Variants in CPQ observed in about 807,000 individuals in gnomAD.
The protein encoded by CPQ is Ser-Met dipeptidase.
Under a neutral mutation model 45.7 loss-of-function variants are expected in CPQ, and 37 were observed. The observed-to-expected ratio is 0.81, with a 90% CI of 0.62 to 1.07. The LOEUF is 1.07. Ranked by LOEUF, CPQ falls within the 50% of genes least tolerant of loss-of-function variation. The pLI is 0.00. For missense variants in CPQ, 537 were observed against 572.9 expected, an observed-to-expected ratio of 0.94 and a Z score of 0.64; for synonymous variants, 186 against 205.8, an observed-to-expected ratio of 0.90 and a Z score of 0.82.
chr8:96,893,781 A>G (rs1812406533), intron 4 of CPQ, among the ~76,000 whole-genome samples: 1 of 152,222 alleles, frequency 6.6e-6, no homozygotes, highest in African/African-American at 2.4e-5. Flanking sequence ...AACCTTAAAA[A>G]ATGAAAGCCT....
chr8:96,767,641 T>C, intron 1 of CPQ, among the ~76,000 whole-genome samples: 1 of 129,694 alleles, frequency 7.7e-6, no homozygotes, highest in African/African-American at 2.9e-5. Flanking sequence ...TATGCTTTTT[T>C]TTTTTTTTTT....
chr8:96,897,676 C>T (rs373927616), intron 4 of CPQ, among the ~76,000 whole-genome samples: 1 of 152,268 alleles, frequency 6.6e-6, no homozygotes, highest in African/African-American at 2.4e-5. Context: ...TGGTCCCATC[C>T]TCATGATATC....
intron 7 of CPQ, among the ~76,000 whole-genome samples, chr8:97,071,977 G>A (rs1015766175): frequency 1.3e-5 from 2 of 152,180 alleles, no homozygotes; most frequent in African/African-American, 4.8e-5. Flanking sequence ...ACATTGTGCA[G>A]TAGTGGAAGA....
intron 5 of CPQ, among the ~76,000 whole-genome samples, chr8:97,025,431 C>T (rs1809780869): frequency 6.6e-6 from 1 of 152,156 alleles, no homozygotes; most frequent in Non-Finnish European, 1.5e-5. Flanking sequence ...TCCAGGAGGT[C>T]AAGGCGTCTC....
At chr8:96,682,928 T>C (rs2130730516) in intron 1 of CPQ, among the ~76,000 whole-genome samples, 1 of 152,322 alleles carries the variant, frequency 6.6e-6, no homozygotes, top group South Asian at 2.1e-4. Context: ...AAGACTTTAA[T>C]CTGTTTACAT....
intron 1 of CPQ, among the ~76,000 whole-genome samples, chr8:96,714,937 T>C (rs549155136): frequency 6.6e-6 from 1 of 152,336 alleles, no homozygotes; most frequent in East Asian, 1.9e-4. Context: ...GTCTTTGTAT[T>C]ATGGCTTTCT....
intron 1 of CPQ, among the ~76,000 whole-genome samples, chr8:96,772,650 G>A (rs1352006558): frequency 6.6e-6 from 1 of 152,096 alleles, no homozygotes; most frequent in Non-Finnish European, 1.5e-5. Context: ...AGAGCAGAGT[G>A]AGAGGAAGAA....
intron 3 of CPQ, among the ~76,000 whole-genome samples, chr8:96,864,747 T>G (rs1158738350): frequency 1.3e-5 from 2 of 152,046 alleles, no homozygotes; most frequent in Non-Finnish European, 2.9e-5. Context: ...GTATCCTAAA[T>G]CTACTTGTTG....
chr8:97,115,865 T>C (rs1425781915), intron 7 of CPQ, among the ~76,000 whole-genome samples: 1 of 152,156 alleles, frequency 6.6e-6, no homozygotes, highest in African/African-American at 2.4e-5. Context: ...TCAGGTGTAT[T>C]GAAAAAATGG....
rs372141243 is a variant in CPQ at position 96,841,482 on chromosome 8, C to A, written c.641+6302C>A. On this transcript the variant is annotated intron_variant, in intron 3 of 7. Transcript: ENST00000220763. ...TGTTTGTTGTATTCCCACTGCCACA[C>A]ATACATTTTTTCCTAGTTATTTTCT... 2.6e-5 allele frequency among the ~76,000 whole-genome samples: 4 copies of A among 152,360 alleles called. No homozygotes were observed. In the East Asian group the frequency reaches 7.7e-4, roughly 29 times the overall value.
chr8:97,039,687 T>A (rs1406329064), intron 6 of CPQ, among the ~76,000 whole-genome samples: 1 of 150,080 alleles, frequency 6.7e-6, no homozygotes, highest in African/African-American at 2.4e-5. Context: ...CCTGTGTCCA[T>A]GTGTTCTCAT....
intron 3 of CPQ, among the ~76,000 whole-genome samples, chr8:96,866,595 G>A (rs1811999944): frequency 6.6e-6 from 1 of 152,080 alleles, no homozygotes; most frequent in Non-Finnish European, 1.5e-5. Flanking sequence ...AGCTCTAAGT[G>A]TAGAATTAAT....
intron 6 of CPQ, among the ~76,000 whole-genome samples, chr8:97,052,125 AC>A (rs1810375172): frequency 6.6e-6 from 1 of 152,084 alleles, no homozygotes; most frequent in Non-Finnish European, 1.5e-5. Context: ...GCTATTTTCT[AC>A]CATAGCTATT....
chr8:97,130,420 G>GT (rs67911510), intron 7 of CPQ, among the ~76,000 whole-genome samples: 1,477 of 125,280 alleles, frequency 0.012, 11 homozygotes, highest in Non-Finnish European at 0.018. Flanking sequence ...ATCGTCAGCT[G>GT]TTTTTTTTTT....
chr8:97,014,117 G>T (rs1809537850), intron 5 of CPQ, among the ~76,000 whole-genome samples: 1 of 152,198 alleles, frequency 6.6e-6, no homozygotes, highest in East Asian at 1.9e-4. Context: ...GAATCTGGCA[G>T]CAGTTATACC....
chr8:97,119,945 GACAGA>G (rs1811669808), intron 7 of CPQ, among the ~76,000 whole-genome samples: 1 of 152,202 alleles, frequency 6.6e-6, no homozygotes, highest in Non-Finnish European at 1.5e-5. Flanking sequence ...GGAGGGACAA[GACAGA>G]ACAGTAGTGG....
rs35247469 is a variant in CPQ, at chr8:96,730,866, C to CATATATATATATATATATATAT, written c.-34-53993_-34-53972dup. On this transcript the variant is annotated intron_variant, in intron 1 of 7. Coordinates refer to ENST00000220763, the MANE Select transcript of CPQ (RefSeq NM_016134.4). ...GATCTAGATCAATTAACCATACATA[C>CATATATATATATATATATATAT]ATATATATATATATATATATATATA... Among the ~76,000 whole-genome samples the CATATATATATATATATATATAT allele has an allele frequency of 1.6e-3, 112 of 68,608 alleles. 1 individual carries two copies. Among genetic ancestry groups the CATATATATATATATATATATAT allele is most frequent in the African/African-American group, 4.5e-3 (88 of 19,648 alleles). The allele number at this position is 68,608 out of a possible 152,430, so 45.0% of individuals were successfully genotyped here. A position where few individuals can be genotyped will look rare whatever the true frequency, so the allele number is the denominator to read the frequency against.
At chr8:97,033,736 T>G (rs1391835680) in intron 6 of CPQ, among the ~76,000 whole-genome samples, 1 of 152,120 alleles carries the variant, frequency 6.6e-6, no homozygotes, top group Non-Finnish European at 1.5e-5. Context: ...TTCTTCTTTT[T>G]GTTTTTCTGA....
intron 7 of CPQ, among the ~76,000 whole-genome samples, chr8:97,110,737 T>C (rs1380647778): frequency 6.6e-6 from 1 of 152,120 alleles, no homozygotes; most frequent in African/African-American, 2.4e-5. Flanking sequence ...CAGTTGTGCC[T>C]TCATCATCTC....
Sources: allele counts gnomAD v4.1 joint callset (sites outside exome capture counted in the v4.1 genomes callset), GRCh38; gene constraint gnomAD v4.1.1; transcripts MANE v1.5; gene names NCBI Gene and HGNC (gene_info 2026-07-23, HGNC 2026-07-21).